The following CLEC4C variants were observed in gnomAD, a reference collection of about 807,000 sequenced individuals.
CLEC4C encodes C-type lectin domain family 4 member C, also known as C-type (calcium dependent, carbohydrate-recognition domain) lectin, superfamily member 11.
A neutral mutation model predicts 27.7 loss-of-function variants in CLEC4C; 17 were observed. The ratio of observed to expected loss-of-function variants is 0.61; its 90% confidence interval spans 0.42 to 0.92. The LOEUF (loss-of-function observed/expected upper bound fraction) is 0.92, where lower values mean the gene tolerates loss of function less well. CLEC4C is among the 40% of genes least tolerant of loss of function. The pLI is 0.00. For missense variants in CLEC4C, 244 were observed against 257.3 expected (o/e 0.95, Z 0.35); for synonymous variants, 80 against 80.8 (o/e 0.99, Z 0.06).
intron 2 of CLEC4C, among the ~76,000 whole-genome samples, chr12:7,746,072 A>G (rs762650146): frequency 7.3e-5 from 11 of 151,704 alleles, no homozygotes; most frequent in East Asian, 3.9e-4. Flanking sequence ...AAAATTAGCC[A>G]GGCATGGTGG....
chr12:7,748,500 T>C (rs769455417), upstream of CLEC4C, among the ~76,000 whole-genome samples: 28 of 151,628 alleles, frequency 1.8e-4, no homozygotes, highest in Non-Finnish European at 3.5e-4. Flanking sequence ...CACTCCACCC[T>C]GGGTGACAGA....
At chr12:7,736,120 TA>T (rs921435623) in intron 4 of CLEC4C, among the ~76,000 whole-genome samples, 33 of 151,924 alleles carry the variant, frequency 2.2e-4, no homozygotes, top group African/African-American at 7.7e-4. Context: ...CCGTCTCTAC[TA>T]AAAATACAAA....
At chr12:7,740,902 G>A (rs747112338) in intron 3 of CLEC4C, among the ~76,000 whole-genome samples, 7 of 149,416 alleles carry the variant, frequency 4.7e-5, no homozygotes, top group Non-Finnish European at 8.9e-5. Flanking sequence ...GTGCAGTGGC[G>A]CGATCTCGGC....
chr12:7,730,362 C>T (rs956029516), intron 5 of CLEC4C, among the ~76,000 whole-genome samples: 5 of 152,022 alleles, frequency 3.3e-5, no homozygotes, highest in Non-Finnish European at 5.9e-5. Context: ...CATAAATGGC[C>T]GGGGATGGTG....
intron 5 of CLEC4C, 61 bp from the exon 6 acceptor site, chr12:7,729,801 T>C: frequency 6.6e-7 from 1 of 1,506,426 alleles, no homozygotes; most frequent in Non-Finnish European, 9.2e-7. Context: ...GGTTAGAGAC[T>C]GGGAGAGGGC....
chr12:7,740,973 T>G (rs1864840390), intron 3 of CLEC4C, among the ~76,000 whole-genome samples: 1 of 151,626 alleles, frequency 6.6e-6, no homozygotes, highest in African/African-American at 2.4e-5. Context: ...CCCGAGTAGC[T>G]GGGACTACAG....
intron 1 of CLEC4C, among the ~76,000 whole-genome samples, chr12:7,747,008 G>A (rs181611917): frequency 3.3e-5 from 5 of 152,234 alleles, no homozygotes; most frequent in African/African-American, 9.6e-5. Flanking sequence ...ATTTTTAGTA[G>A]AGACAGGGTT....
At chr12:7,745,260 C>G (rs193069917) in intron 2 of CLEC4C, among the ~76,000 whole-genome samples, 84 of 152,014 alleles carry the variant, frequency 5.5e-4, no homozygotes, top group African/African-American at 2.0e-3. Flanking sequence ...CCGTGACGAG[C>G]TAGCACTCCC....
At chr12:7,737,337 TCCTGTCTTTGAAC>T in intron 4 of CLEC4C, 79 bp downstream of exon 4, 1 of 1,024,506 alleles carries the variant, frequency 9.8e-7, no homozygotes, top group Non-Finnish European at 1.3e-6. Context: ...TTTTTTTTTT[TCCTGTCTTTGAAC>T]TTTCAGGGCA....
chr12:7,743,102 A>T (rs913415039), intron 2 of CLEC4C, among the ~76,000 whole-genome samples: 1 of 152,216 alleles, frequency 6.6e-6, no homozygotes, highest in Non-Finnish European at 1.5e-5. Flanking sequence ...CAGCACCTAG[A>T]AAAGTGGCCT....
intron 3 of CLEC4C, among the ~76,000 whole-genome samples, chr12:7,741,203 T>C (rs1213047410): frequency 1.3e-5 from 2 of 152,136 alleles, no homozygotes; most frequent in Non-Finnish European, 2.9e-5. Context: ...GACCCTCAGG[T>C]AATCCACCCA....
At chr12:7,736,665 T>C (rs1864732817) in intron 4 of CLEC4C, among the ~76,000 whole-genome samples, 1 of 152,082 alleles carries the variant, frequency 6.6e-6, no homozygotes, top group Non-Finnish European at 1.5e-5. Flanking sequence ...TCCCAGCACT[T>C]TGGGAGGCCG....
chr12:7,740,282 T>C (rs1025348125), intron 3 of CLEC4C, among the ~76,000 whole-genome samples: 1 of 152,134 alleles, frequency 6.6e-6, no homozygotes, highest in African/African-American at 2.4e-5. Context: ...CAGGCATAAT[T>C]TTATTCTTAT....
intron 4 of CLEC4C, among the ~76,000 whole-genome samples, chr12:7,732,755 G>T (rs1205575858): frequency 6.7e-6 from 1 of 149,796 alleles, no homozygotes; most frequent in Non-Finnish European, 1.5e-5. Context: ...GAGGTCAGGA[G>T]ATCAAGACCA....
chr12:7,730,385 A>C (rs936009935), intron 5 of CLEC4C, among the ~76,000 whole-genome samples: 17 of 152,220 alleles, frequency 1.1e-4, no homozygotes, highest in African/African-American at 3.6e-4. Flanking sequence ...TCACACCTGT[A>C]ATCTCAGCAC....
chr12:7,730,878 G>A lies in CLEC4C; in HGVS notation c.416C>T (p.Ser139Phe). Residue 139 changes from serine (S) to phenylalanine (F), a missense_variant, in exon 5 of 6, where the codon TCT (serine) becomes TTT (phenylalanine). By Grantham distance (155) the Ser-to-Phe change is radical. Transcript: ENST00000360345. ...FIIQNLKRNS[S>F]YFLGLSDPGG... is the part of the protein sequence containing the mutation. ...TGGATCTGACAGCCCCAGAAAATAAGAAGAATTTCTTTTCAGATTCTGAAT... is the reference window on the plus strand; with the variant it reads ...TGGATCTGACAGCCCCAGAAAATAAAAAGAATTTCTTTTCAGATTCTGAAT... 6.2e-7 allele frequency: 1 copy of A among 1,605,862 alleles called. No individual in the cohort carries two copies. The highest frequency in any genetic ancestry group is 2.2e-5 in the East Asian group (1 of 44,750).
intron 3 of CLEC4C, among the ~76,000 whole-genome samples, chr12:7,739,409 C>A (rs1864803872): frequency 6.6e-6 from 1 of 152,088 alleles, no homozygotes; most frequent in Non-Finnish European, 1.5e-5. Context: ...CCGCGCCTGG[C>A]CTGTTTCATT....
chr12:7,738,890 G>A (rs1368999812), intron 3 of CLEC4C, among the ~76,000 whole-genome samples: 18 of 152,056 alleles, frequency 1.2e-4, no homozygotes, highest in Admixed American at 1.2e-3. Flanking sequence ...GTATACATGT[G>A]CCACTTTGGT....
At position 7,741,474 on chromosome 12, in the gene CLEC4C, T is replaced by C; in HGVS notation, c.182A>G (p.Tyr61Cys). The C allele has an allele frequency of 6.2e-7, 1 of 1,613,122 alleles. No homozygotes were observed. The highest frequency in any genetic ancestry group is 8.5e-7 in the Non-Finnish European group (1 of 1,179,014). ...TVKRLSKLRE[Y>C]QQYHPSLTCV... ...GGTCAGGCTTGGATGATACTGTTGA[T>C]ACTCTCGTAACTTGGACAGCCTCTT... Residue 61 changes from tyrosine (Y) to cysteine (C), a missense_variant, in exon 3 of 6, where the codon TAT becomes TGT. Transcript: ENST00000360345.
Sources: allele counts gnomAD v4.1 joint callset (sites outside exome capture counted in the v4.1 genomes callset), GRCh38; gene constraint gnomAD v4.1.1; transcripts MANE v1.5; gene names NCBI Gene and HGNC (gene_info 2026-07-23, HGNC 2026-07-21).